Variants in PCDHA4 observed in about 807,000 individuals in gnomAD.
The protein encoded by PCDHA4 is protocadherin alpha-4.
In PCDHA4, 49 loss-of-function variants were observed where a neutral mutation model predicts 61.4. The observed-to-expected ratio is 0.80, with a 90% confidence interval of 0.63 to 1.01. PCDHA4 has a LOEUF of 1.01. Ranked by LOEUF, PCDHA4 falls within the 50% of genes least tolerant of loss-of-function variation. The pLI is 0.00. For synonymous variants in PCDHA4, 590 were observed against 550.3 expected, an observed-to-expected ratio of 1.07 and a Z score of -1.01; for missense variants, 1,254 against 1,235.8, an observed-to-expected ratio of 1.01 and a Z score of -0.22.
At chr5:140,968,867 T>C (rs2153774451) in intron 1 of PCDHA4, 2 of 1,614,188 alleles carry the variant, frequency 1.2e-6, no homozygotes, top group Non-Finnish European at 1.7e-6. Flanking sequence ...CCCTCGGACA[T>C]ACTCTGAAAT....
At chr5:140,909,360 T>C (rs2074454382) in intron 1 of PCDHA4, among the ~76,000 whole-genome samples, 1 of 152,222 alleles carries the variant, frequency 6.6e-6, no homozygotes, top group South Asian at 2.1e-4. Flanking sequence ...ATGTGTTAAT[T>C]TGTTCAAGCA....
intron 1 of PCDHA4, chr5:140,851,871 G>A (rs2042184673): frequency 2.0e-6 from 2 of 977,226 alleles, no homozygotes; most frequent in South Asian, 9.5e-5. Context: ...CATAACACAA[G>A]GCAGAAATCT....
intron 1 of PCDHA4, among the ~76,000 whole-genome samples, chr5:140,938,890 C>T (rs979482011): frequency 5.9e-5 from 9 of 152,080 alleles, no homozygotes; most frequent in Non-Finnish European, 8.8e-5. Flanking sequence ...CACACACACA[C>T]AGATGCGCAC....
chr5:140,941,185 C>CT (rs782102770), intron 1 of PCDHA4, among the ~76,000 whole-genome samples: 18 of 102,242 alleles, frequency 1.8e-4, no homozygotes, highest in East Asian at 3.7e-4. Flanking sequence ...CATCCTGCTT[C>CT]TTTTTTTTTC....
chr5:140,916,202 C>A lies in PCDHA4; in HGVS notation c.2386-62747C>A, dbSNP rs185433174. 8.0e-3 allele frequency among the ~76,000 whole-genome samples: 1,218 copies of A among 152,262 alleles called. 6 individuals carry two copies. Among genetic ancestry groups the A allele is most frequent in the African/African-American group, 0.019 (787 of 41,550 alleles). The stretch of plus-strand genomic sequence containing the variant: ...TTCAAGGAAGTGGGCACCCCTCTGC[C>A]CTGGGGAAGATCCAAATATGCTTTC... On this transcript the variant is annotated intron_variant, in intron 1 of 3. Coordinates refer to ENST00000530339, the MANE Select transcript of PCDHA4 (RefSeq NM_018907.4).
At chr5:140,981,533 C>A (rs1045779820) in intron 2 of PCDHA4, among the ~76,000 whole-genome samples, 9 of 152,154 alleles carry the variant, frequency 5.9e-5, no homozygotes, top group African/African-American at 2.2e-4. Context: ...GAGATCGTGC[C>A]ACTGTACTCC....
rs2150182781 is a variant in PCDHA4, at chr5:140,830,210, G to A, written c.2385+20638G>A. The A allele has an allele frequency of 1.3e-5, 21 of 1,613,836 alleles. 2 individuals carry two copies. In the South Asian group the frequency reaches 2.3e-4, roughly 18 times the overall value. On this transcript the variant is annotated intron_variant, in intron 1 of 3. Coordinates refer to ENST00000530339, the MANE Select transcript of PCDHA4 (RefSeq NM_018907.4). ...GTACCTGATCATCGCCATCTGCGCG[G>A]TATCCAGCCTGCTGGTCCTCACGCT...
intron 1 of PCDHA4, among the ~76,000 whole-genome samples, chr5:140,888,383 C>T (rs1279773489): frequency 3.9e-5 from 6 of 152,170 alleles, no homozygotes; most frequent in African/African-American, 1.4e-4. Flanking sequence ...CTCTGAGATG[C>T]TGCTAAACAC....
At position 140,927,469 on chromosome 5, in the gene PCDHA4, C is replaced by G. The variant is rs17844359; in HGVS notation, c.2386-51480C>G. ...GTTGGTGTTGGAGAAAGCACTGGATCGCGAACAGCGCGCCACCCACCTGCT... is the reference window on the plus strand; with the variant it reads ...GTTGGTGTTGGAGAAAGCACTGGATGGCGAACAGCGCGCCACCCACCTGCT... On this transcript the variant is annotated intron_variant, in intron 1 of 3. Transcript: ENST00000530339. 39 of 1,613,964 alleles carry G rather than the reference C, an allele frequency of 2.4e-5. No individual in the cohort carries two copies. The highest frequency in any genetic ancestry group is 1.3e-4 in the South Asian group (12 of 91,094).
intron 1 of PCDHA4, among the ~76,000 whole-genome samples, chr5:140,908,488 A>G (rs2073999089): frequency 6.6e-6 from 1 of 152,206 alleles, no homozygotes; most frequent in Non-Finnish European, 1.5e-5. Flanking sequence ...TAGGCAGTTC[A>G]GGTTGCTTGG....
At position 140,835,626 on chromosome 5, in the gene PCDHA4, C is replaced by G. The variant is rs2150239729; in HGVS notation, c.2385+26054C>G. ...ATTGGTGCTGGACAGCGCTCTGGAC[C>G]GCGAGAGTGTGTCCGCCTATGAGCT... is the stretch of plus-strand genomic sequence containing the variant. On this transcript the variant is annotated intron_variant, in intron 1 of 3. Transcript: ENST00000530339. 21 of 1,613,762 alleles carry G rather than the reference C, an allele frequency of 1.3e-5. No homozygotes were observed. The highest frequency in any genetic ancestry group is 1.1e-5 in the South Asian group (1 of 91,068).
rs782807362 is a variant in PCDHA4 at position 140,884,482 on chromosome 5, T to G, written c.2385+74910T>G. ...GCGCGTGCGCGCCGGGCAAGCCCACTCTAGTGTGCTCCAGCGCGGCAGGGA... is the reference window on the plus strand; with the variant it reads ...GCGCGTGCGCGCCGGGCAAGCCCACGCTAGTGTGCTCCAGCGCGGCAGGGA... On this transcript the variant is annotated intron_variant, in intron 1 of 3. Transcript: ENST00000530339. 1.6e-5 allele frequency: 26 copies of G among 1,613,830 alleles called. No homozygotes were observed. In the East Asian group the frequency reaches 4.5e-4, roughly 28 times the overall value.
intron 1 of PCDHA4, chr5:140,859,594 C>G (rs2045925164): frequency 6.1e-6 from 1 of 164,452 alleles, no homozygotes; most frequent in Non-Finnish European, 1.3e-5. Context: ...TGGCTCTTAG[C>G]AATTACTTTT....
At position 140,924,416 on chromosome 5, in the gene PCDHA4, T is replaced by A. The variant is rs1283567998; in HGVS notation, c.2386-54533T>A. 1.3e-5 allele frequency among the ~76,000 whole-genome samples: 2 copies of A among 152,192 alleles called. 1 individual carries two copies. The highest frequency in any genetic ancestry group is 4.1e-4 in the South Asian group (2 of 4,830). ...TATTGCCTTATATCACAGTGTGCCC[T>A]TTCTAGTTCCCTAGAAGAGATAACG... is the stretch of plus-strand genomic sequence containing the variant. On this transcript the variant is annotated intron_variant, in intron 1 of 3. Coordinates refer to ENST00000530339, the MANE Select transcript of PCDHA4 (RefSeq NM_018907.4).
chr5:140,837,615 C>T (rs1253493684), intron 1 of PCDHA4, among the ~76,000 whole-genome samples: 3 of 145,806 alleles, frequency 2.1e-5, no homozygotes, highest in Non-Finnish European at 4.5e-5. Flanking sequence ...TATAATTTGC[C>T]CCTTCCTTCC....
chr5:140,870,675 C>G, intron 1 of PCDHA4: 1 of 1,612,672 alleles, frequency 6.2e-7, no homozygotes, highest in Non-Finnish European at 8.5e-7. Context: ...CGTTGGACCA[C>G]GAGGAGCTGG....
At chr5:140,820,994 A>T (rs1466692140) in intron 1 of PCDHA4, among the ~76,000 whole-genome samples, 1 of 152,134 alleles carries the variant, frequency 6.6e-6, no homozygotes, top group African/African-American at 2.4e-5. Context: ...TTATAGATAA[A>T]GAAATAGGTT....
chr5:140,823,691 C>G, intron 1 of PCDHA4: 1 of 1,613,980 alleles, frequency 6.2e-7, no homozygotes, highest in Non-Finnish European at 8.5e-7. Context: ...CTGGATGAGA[C>G]CGAAGCACCG....
chr5:140,836,493 A>T (rs1554136006), intron 1 of PCDHA4: 4 of 1,613,732 alleles, frequency 2.5e-6, no homozygotes, highest in Admixed American at 1.7e-5. Context: ...GATCATCGCC[A>T]TCTGCGCGGT....
Sources: allele counts gnomAD v4.1 joint callset (sites outside exome capture counted in the v4.1 genomes callset), GRCh38; gene constraint gnomAD v4.1.1; transcripts MANE v1.5; gene names NCBI Gene and HGNC (gene_info 2026-07-23, HGNC 2026-07-21).